Variants in PPL observed in about 807,000 individuals in gnomAD.
The protein encoded by PPL is periplakin, also known as 190 kDa paraneoplastic pemphigus antigen.
Under a neutral mutation model 194.4 loss-of-function variants are expected in PPL, and 198 were observed. That is an observed-to-expected ratio of 1.02 (90% CI 0.91 to 1.15). The LOEUF is 1.15. Ranked by LOEUF, PPL falls within the 50% of genes most tolerant of loss-of-function variation. The pLI is 0.00. For synonymous variants in PPL, 1,220 were observed against 972.4 expected, an observed-to-expected ratio of 1.25 and a Z score of -4.74; for missense variants, 2,885 against 2,294.8, an observed-to-expected ratio of 1.26 and a Z score of -5.25.
chr16:4,907,356 GGACA>G (rs1329680615), intron 2 of PPL, among the ~76,000 whole-genome samples: 5 of 132,428 alleles, frequency 3.8e-5, no homozygotes, highest in African/African-American at 9.1e-5. Flanking sequence ...ACACACACAC[GGACA>G]GATACATGAT....
intron 1 of PPL, among the ~76,000 whole-genome samples, chr16:4,919,261 C>T (rs550325569): frequency 3.9e-5 from 6 of 152,190 alleles, no homozygotes; most frequent in Non-Finnish European, 7.3e-5. Context: ...AGGTCCCGGA[C>T]GTGAAGTCAC....
At chr16:4,891,491 C>T (rs866555708) in intron 16 of PPL, 35 of 265,410 alleles carry the variant, frequency 1.3e-4, no homozygotes, top group African/African-American at 5.0e-4. Context: ...GTTGTCCAGG[C>T]GGCTGGACTT....
rs1567976925 is a variant in PPL, at chr16:4,882,876, A to G, written c.*508T>C. The G allele has an allele frequency of 6.0e-6, 1 of 167,682 alleles. No homozygotes were observed. The highest frequency in any genetic ancestry group is 1.3e-5 in the Non-Finnish European group (1 of 78,646). The allele number at this position is 167,682 out of a possible 1,614,324, so 10.4% of individuals were successfully genotyped here. The stretch of plus-strand genomic sequence containing the variant: ...TGGAGCCCAGATCTGTCTCATGAGC[A>G]GAGTAACTACTGAGGAGGCTTCTCG... On this transcript the variant is annotated 3_prime_UTR_variant, in exon 22 of 22. Transcript: ENST00000345988.
rs1462575391 is a variant in PPL, at chr16:4,883,693, C to T, written c.4962G>A (p.Leu1654=). Residue 1654 remains leucine, a synonymous_variant, in exon 22 of 22, where the codon CTG becomes CTA. Transcript: ENST00000345988. The surrounding 1 kb of genome is among the most constrained non-coding windows in gnomAD (Gnocchi z 4.8). ...AVKREQRENH[L]RRSIVVIHPD... ...GGTGGATGACTACGATGGAGCGCCGCAGGTGGTTCTCCCGCTGCTCCCGCT... is the reference window on the plus strand; with the variant it reads ...GGTGGATGACTACGATGGAGCGCCGTAGGTGGTTCTCCCGCTGCTCCCGCT... 1 of 1,614,134 alleles carries T rather than the reference C, an allele frequency of 6.2e-7. No individual in the cohort carries two copies. The highest frequency in any genetic ancestry group is 1.3e-5 in the African/African-American group (1 of 75,058).
At position 4,893,621 on chromosome 16, in the gene PPL, C is replaced by T. The variant is rs749453551; in HGVS notation, c.1412G>A (p.Arg471Gln). 61 of 1,598,464 alleles carry T rather than the reference C, an allele frequency of 3.8e-5. No individual in the cohort carries two copies. The highest frequency in any genetic ancestry group is 6.7e-5 in the African/African-American group (5 of 74,508). ...ALADSLGSQY[R>Q]SVRQKAAGSK... ...CCCAGCTGCCTTCTGCCGCACGCTC[C>T]GGTACTGGCTGCCCAGGCTGTGAGG... is the stretch of plus-strand genomic sequence containing the variant. Residue 471 changes from arginine (R) to glutamine (Q), a missense_variant, in exon 13 of 22, where the codon CGG becomes CAG. Arg to Gln is a conservative substitution (Grantham distance 43). Transcript: ENST00000345988.
intron 9 of PPL, among the ~76,000 whole-genome samples, chr16:4,896,308 A>C (rs1016369945): frequency 6.6e-6 from 1 of 152,102 alleles, no homozygotes; most frequent in Non-Finnish European, 1.5e-5. Flanking sequence ...CTTCTTAAGA[A>C]CTCTCATTCC....
At chr16:4,922,619 G>A (rs968184429) in intron 1 of PPL, among the ~76,000 whole-genome samples, 1 of 152,238 alleles carries the variant, frequency 6.6e-6, no homozygotes, top group African/African-American at 2.4e-5. Context: ...CCGAGACTGT[G>A]CCACTGCACT....
At chr16:4,888,908 TTC>T in intron 19 of PPL, 68 bp downstream of exon 19, 1 of 1,485,258 alleles carries the variant, frequency 6.7e-7, no homozygotes, top group African/African-American at 1.4e-5. Context: ...TGCTTGCTGC[TTC>T]TCTGACCAGG....
At chr16:4,894,697 A>C (rs1439134523) in intron 11 of PPL, 79 bp from the exon 12 acceptor site, 3 of 1,524,606 alleles carry the variant, frequency 2.0e-6, no homozygotes, top group East Asian at 2.3e-5. Flanking sequence ...TCAGCCCCCG[A>C]CTCTTGGACC....
In PPL at chr16:4,893,637, G is replaced by A; in HGVS notation, c.1396C>T (p.Leu466=). The change falls in exon 13 of 22, where the codon CTG becomes TTG. Residue 466 remains leucine, a splice_region_variant and synonymous_variant. Transcript: ENST00000345988. ...DPEALALADS[L]GSQYRSVRQK... ...CGCACGCTCCGGTACTGGCTGCCCA[G>A]GCTGTGAGGACAGAAATGAGCTGGG... The A allele has an allele frequency of 6.3e-7, 1 of 1,584,492 alleles. No individual in the cohort carries two copies. Among genetic ancestry groups the A allele is most frequent in the Non-Finnish European group, 8.6e-7 (1 of 1,168,998 alleles).
At chr16:4,910,245 G>A (rs1013901759) in intron 2 of PPL, among the ~76,000 whole-genome samples, 2 of 152,332 alleles carry the variant, frequency 1.3e-5, no homozygotes, top group East Asian at 1.9e-4. Context: ...AAAAAAGGTG[G>A]AGAAAGACCT....
chr16:4,926,897 A>AAAAC (rs1405399957), intron 1 of PPL, among the ~76,000 whole-genome samples: 2 of 150,454 alleles, frequency 1.3e-5, no homozygotes, highest in African/African-American at 2.4e-5. Flanking sequence ...AAAAAACAAA[A>AAAAC]AAAAACCAAA....
intron 1 of PPL, among the ~76,000 whole-genome samples, chr16:4,925,880 G>A (rs1205616519): frequency 1.3e-5 from 2 of 152,184 alleles, no homozygotes; most frequent in Admixed American, 1.3e-4. Flanking sequence ...ATGGGACCAG[G>A]CATTCACCAC....
intron 1 of PPL, among the ~76,000 whole-genome samples, chr16:4,914,790 C>G (rs1294511264): frequency 6.6e-6 from 1 of 152,142 alleles, no homozygotes; most frequent in Non-Finnish European, 1.5e-5. Flanking sequence ...GATGGAGGAT[C>G]TCGGTAAGAA....
chr16:4,935,403 T>C (rs1596595863), intron 1 of PPL, among the ~76,000 whole-genome samples: 1 of 151,936 alleles, frequency 6.6e-6, no homozygotes, highest in East Asian at 1.9e-4. Context: ...GTCTCTGGGG[T>C]GGAGAGGACA....
chr16:4,932,539 A>G (rs2089238104), intron 1 of PPL, among the ~76,000 whole-genome samples: 1 of 151,254 alleles, frequency 6.6e-6, no homozygotes, highest in African/African-American at 2.4e-5. Flanking sequence ...CCTCCCCAGT[A>G]TCTGGCTGGG....
chr16:4,919,260 A>C (rs373377384), intron 1 of PPL, among the ~76,000 whole-genome samples: 187 of 152,320 alleles, frequency 1.2e-3, no homozygotes, highest in African/African-American at 4.1e-3. Context: ...AAGGTCCCGG[A>C]CGTGAAGTCA....
rs373756995 is a variant in PPL at position 4,883,716 on chromosome 16, G to A, written c.4939C>T (p.Arg1647Trp). Residue 1647 changes from arginine (R) to tryptophan (W), a missense_variant, in exon 22 of 22, where the codon CGG (arginine) becomes TGG (tryptophan). Coordinates refer to ENST00000345988, the MANE Select transcript of PPL (RefSeq NM_002705.5). This position sits in a 1 kb window ranked among gnomAD's most constrained non-coding sequence, Gnocchi z 4.8. The part of the protein sequence containing the change: ...QKRLGSVAVK[R>W]EQRENHLRRS... The stretch of plus-strand genomic sequence containing the variant: ...CGCAGGTGGTTCTCCCGCTGCTCCC[G>A]CTTGACGGCCACGGAGCCCAGGCGC... 7.4e-6 allele frequency: 12 copies of A among 1,613,808 alleles called. No individual in the cohort carries two copies. Among genetic ancestry groups the A allele is most frequent in the Non-Finnish European group, 1.0e-5 (12 of 1,180,024 alleles).
At chr16:4,891,734 C>G in intron 16 of PPL, 77 bp downstream of exon 16, 3 of 1,515,796 alleles carry the variant, frequency 2.0e-6, no homozygotes, top group Admixed American at 2.1e-5. Flanking sequence ...CCTCATCTAT[C>G]CAGACGGGCG....
Sources: gnomAD v4.1 joint callset for allele counts (sites outside exome capture counted in the v4.1 genomes callset) on GRCh38, gnomAD v4.1.1 for gene constraint, Gnocchi (gnomAD v3.1) non-coding constraint, MANE v1.5 for transcripts, NCBI Gene and HGNC (gene_info 2026-07-23, HGNC 2026-07-21) for gene names.